CEP112: variants seen among roughly 807,000 people sequenced by gnomAD.
CEP112 encodes centrosomal protein of 112 kDa.
Under a neutral mutation model 153.0 loss-of-function variants are expected in CEP112, and 127 were observed. That is an observed-to-expected ratio of 0.83 (90% CI 0.72 to 0.96). The LOEUF is 0.96. Among genes scored for constraint, CEP112 ranks in the 40% least tolerant of loss-of-function variants. CEP112 has a pLI of 0.00. For missense variants in CEP112, 1,089 were observed against 1,101.2 expected (o/e 0.99, Z 0.16); for synonymous variants, 358 against 374.4 (o/e 0.96, Z 0.51).
At chr17:66,039,185 T>C (rs932650708) in intron 12 of CEP112, among the ~76,000 whole-genome samples, 1 of 152,196 alleles carries the variant, frequency 6.6e-6, no homozygotes, top group Non-Finnish European at 1.5e-5. Context: ...TAGGTTTGAT[T>C]TCCTATAAGT....
chr17:65,768,467 G>A (rs1567984892), intron 21 of CEP112, among the ~76,000 whole-genome samples: 1 of 152,016 alleles, frequency 6.6e-6, no homozygotes, highest in Non-Finnish European at 1.5e-5. Context: ...CACATTTTAT[G>A]AGGCAGCATT....
At chr17:66,060,881 C>G in intron 11 of CEP112, among the ~76,000 whole-genome samples, 1 of 109,652 alleles carries the variant, frequency 9.1e-6, no homozygotes, top group South Asian at 2.6e-4. Flanking sequence ...AAAGCACAGG[C>G]AACAAAAGCA....
At position 66,005,774 on chromosome 17, in the gene CEP112, C is replaced by T; in HGVS notation, c.1657-5G>A. The stretch of plus-strand genomic sequence containing the variant: ...TTCACTCTGCAAGTCATGAGCCTGC[C>T]ATGACAAGAACATGGAAAATTTATT... On this transcript the variant is annotated splice_polypyrimidine_tract_variant and splice_region_variant and intron_variant, in intron 16 of 26. Coordinates refer to ENST00000535342, the MANE Select transcript of CEP112 (RefSeq NM_001199165.4). 1.3e-6 allele frequency: 2 copies of T among 1,593,876 alleles called. No homozygotes were observed. The highest frequency in any genetic ancestry group is 2.3e-5 in the South Asian group (2 of 86,960).
At chr17:65,872,250 T>C (rs989286690) in intron 20 of CEP112, among the ~76,000 whole-genome samples, 6 of 151,936 alleles carry the variant, frequency 3.9e-5, no homozygotes, top group East Asian at 3.9e-4. Context: ...AGATTTAACA[T>C]AAAAAGGCTA....
At position 66,063,591 on chromosome 17, in the gene CEP112, C is replaced by A. The variant is rs141347385; in HGVS notation, c.956-510G>T. On this transcript the variant is annotated intron_variant, in intron 10 of 26. Transcript: ENST00000535342. ...GGGTACACCAAAGTCTCAGACTTCA[C>A]CACTGTACAATGAATCCATGTAACC... Among the ~76,000 whole-genome samples, 632 of 152,172 alleles carry A rather than the reference C, an allele frequency of 4.2e-3. 5 individuals carry two copies. Among genetic ancestry groups the A allele is most frequent in the African/African-American group, 0.015 (607 of 41,526 alleles).
chr17:66,037,471 C>T (rs36024196), intron 12 of CEP112, among the ~76,000 whole-genome samples: 78,247 of 151,964 alleles, frequency 0.51, 21,077 homozygotes, highest in African/African-American at 0.59. Context: ...CTACATTGAA[C>T]AATTCTAACT....
intron 21 of CEP112, among the ~76,000 whole-genome samples, chr17:65,827,989 A>G (rs891783634): frequency 9.2e-5 from 14 of 152,174 alleles, no homozygotes; most frequent in African/African-American, 3.1e-4. Context: ...TTCCTTTTCA[A>G]TAGCACTTTG....
chr17:65,784,287 T>G (rs995893845), intron 21 of CEP112, among the ~76,000 whole-genome samples: 6 of 152,244 alleles, frequency 3.9e-5, no homozygotes, highest in African/African-American at 1.4e-4. Context: ...GTGACTTTAC[T>G]ACAGCTGAGC....
intron 2 of CEP112, among the ~76,000 whole-genome samples, chr17:66,180,842 G>A (rs947032172): frequency 6.6e-6 from 1 of 151,878 alleles, no homozygotes; most frequent in African/African-American, 2.4e-5. Context: ...TTCATTTATT[G>A]TTTTACCTAC....
At chr17:65,724,812 C>A (rs950953522) in intron 23 of CEP112, among the ~76,000 whole-genome samples, 19 of 152,188 alleles carry the variant, frequency 1.2e-4, no homozygotes, top group African/African-American at 4.6e-4. Flanking sequence ...TCAGCCTAGT[C>A]CTGCCCTAGG....
chr17:66,042,248 G>T (rs1229308761), intron 12 of CEP112, among the ~76,000 whole-genome samples: 1 of 152,144 alleles, frequency 6.6e-6, no homozygotes, highest in African/African-American at 2.4e-5. Context: ...TACTCAGGAG[G>T]CTGAAGCAGG....
chr17:65,635,582 G>A lies in CEP112; in HGVS notation c.*389C>T, dbSNP rs193279165. ...TTTAATAACATAGGAACATGAACAT[G>A]AAAACAATGTAAACAGGTTAGAATT... is the stretch of plus-strand genomic sequence containing the variant. On this transcript the variant is annotated 3_prime_UTR_variant, in exon 27 of 27. Transcript: ENST00000535342. 5.0e-4 allele frequency: 112 copies of A among 225,584 alleles called. No homozygotes were observed. The highest frequency in any genetic ancestry group is 2.5e-3 in the African/African-American group (111 of 44,372). 14.0% of individuals were successfully genotyped at this position (225,584 alleles called of 1,614,324 possible). A position where few individuals can be genotyped will look rare whatever the true frequency, so the allele number is the denominator to read the frequency against.
chr17:65,691,844 C>T (rs2048118080), intron 23 of CEP112, among the ~76,000 whole-genome samples: 2 of 152,172 alleles, frequency 1.3e-5, no homozygotes, highest in Admixed American at 1.3e-4. Context: ...GCTCTCTAAT[C>T]CATCCTCACA....
chr17:66,102,841 A>AT (rs2068624051), intron 6 of CEP112, among the ~76,000 whole-genome samples: 1 of 151,840 alleles, frequency 6.6e-6, no homozygotes, highest in Admixed American at 6.6e-5. Context: ...ACCATTCATG[A>AT]TTTTTAAAAA....
intron 6 of CEP112, among the ~76,000 whole-genome samples, chr17:66,122,879 G>T (rs2069665613): frequency 6.6e-6 from 1 of 152,146 alleles, no homozygotes; most frequent in African/African-American, 2.4e-5. Context: ...TTAGCTTACT[G>T]CTGTTAATTA....
intron 18 of CEP112, among the ~76,000 whole-genome samples, chr17:65,951,750 C>T (rs374373866): frequency 1.5e-5 from 1 of 64,970 alleles, no homozygotes; most frequent in African/African-American, 4.4e-5. Flanking sequence ...CCCGCCCCCC[C>T]CTTTCTTCCA....
intron 23 of CEP112, among the ~76,000 whole-genome samples, chr17:65,708,514 CTGGCACGT>C (rs1322952065): frequency 6.6e-6 from 1 of 152,144 alleles, no homozygotes; most frequent in Non-Finnish European, 1.5e-5. Context: ...TCATATGAAA[CTGGCACGT>C]TGGCTCTGTA....
chr17:66,062,711 A>T (rs2066970495), intron 11 of CEP112, among the ~76,000 whole-genome samples: 1 of 152,214 alleles, frequency 6.6e-6, no homozygotes, highest in Non-Finnish European at 1.5e-5. Flanking sequence ...GCTGATAAGA[A>T]ATCCAGAACA....
At chr17:66,086,380 C>CTTTTTTTTT (rs71160531) in intron 8 of CEP112, among the ~76,000 whole-genome samples, 2 of 67,026 alleles carry the variant, frequency 3.0e-5, no homozygotes, top group African/African-American at 1.3e-4. Context: ...ATTTTCTTTT[C>CTTTTTTTTT]TTTTTTTTTT....
Sources: gnomAD v4.1 joint callset for allele counts (sites outside exome capture counted in the v4.1 genomes callset) on GRCh38, gnomAD v4.1.1 for gene constraint, MANE v1.5 for transcripts, NCBI Gene and HGNC (gene_info 2026-07-23, HGNC 2026-07-21) for gene names.